DPP6: variants seen among roughly 807,000 people sequenced by gnomAD.
DPP6 encodes A-type potassium channel modulatory protein DPP6.
DPP6 carries 69 observed loss-of-function variants against 122.6 expected under a neutral mutation model. The observed-to-expected ratio is 0.56, with a 90% confidence interval of 0.46 to 0.69. The LOEUF (loss-of-function observed/expected upper bound fraction) is 0.69. Among genes scored for constraint, DPP6 ranks in the 30% least tolerant of loss-of-function variants. DPP6 has a pLI of 0.00. For synonymous variants in DPP6, 418 were observed against 433.1 expected, an observed-to-expected ratio of 0.97 and a Z score of 0.43; for missense variants, 928 against 1,116.9, an observed-to-expected ratio of 0.83 and a Z score of 2.41.
intron 1 of DPP6, among the ~76,000 whole-genome samples, chr7:154,234,551 G>C (rs769341300): frequency 6.6e-6 from 1 of 151,950 alleles, no homozygotes; most frequent in Admixed American, 6.6e-5. Context: ...GGACTTGAGG[G>C]GCTTAGATAT....
chr7:154,866,555 CT>C (rs1014390350), intron 17 of DPP6, among the ~76,000 whole-genome samples: 1 of 152,240 alleles, frequency 6.6e-6, no homozygotes, highest in African/African-American at 2.4e-5. Context: ...GACTTCACCA[CT>C]GCAGACACCC....
intron 5 of DPP6, among the ~76,000 whole-genome samples, chr7:154,586,226 G>T (rs1400731018): frequency 2.6e-5 from 4 of 152,092 alleles, no homozygotes; most frequent in Non-Finnish European, 4.4e-5. Flanking sequence ...AGTGATTCAT[G>T]CCCATAATCT....
At chr7:154,424,941 T>C (rs1817764433) in intron 1 of DPP6, among the ~76,000 whole-genome samples, 1 of 152,240 alleles carries the variant, frequency 6.6e-6, no homozygotes, top group Non-Finnish European at 1.5e-5. Flanking sequence ...GAAGTGTAAT[T>C]TGCTTTGCCG....
At chr7:153,839,947 T>G in the DPP6 span, among the ~76,000 whole-genome samples, 3 of 152,240 alleles carry the variant, frequency 2.0e-5, no homozygotes, top group Non-Finnish European at 4.4e-5. Flanking sequence ...AATTCTACAT[T>G]GACAAAGTGA....
intron 7 of DPP6, among the ~76,000 whole-genome samples, chr7:154,690,633 C>T (rs1238258834): frequency 1.3e-5 from 2 of 152,102 alleles, no homozygotes; most frequent in African/African-American, 2.4e-5. Flanking sequence ...CCCCCCACCC[C>T]GCATCATGAG....
the DPP6 span, among the ~76,000 whole-genome samples, chr7:153,849,942 A>T: frequency 6.6e-6 from 1 of 152,222 alleles, no homozygotes; most frequent in African/African-American, 2.4e-5. Flanking sequence ...TCTATTATTT[A>T]ATAGATAAAT....
chr7:154,776,409 T>C (rs1005628701), intron 10 of DPP6, among the ~76,000 whole-genome samples: 1 of 152,150 alleles, frequency 6.6e-6, no homozygotes, highest in Non-Finnish European at 1.5e-5. Flanking sequence ...AATATATGGT[T>C]CCCACAGTGA....
intron 1 of DPP6, among the ~76,000 whole-genome samples, chr7:153,987,520 A>G (rs894822119): frequency 2.6e-5 from 4 of 152,162 alleles, no homozygotes; most frequent in African/African-American, 9.7e-5. Context: ...TAATTCACAC[A>G]TATAATTTAC....
intron 5 of DPP6, among the ~76,000 whole-genome samples, chr7:154,607,619 A>T (rs1274788838): frequency 9.0e-6 from 1 of 111,594 alleles, no homozygotes; most frequent in Non-Finnish European, 2.0e-5. Flanking sequence ...CTTGATGGGT[A>T]CTATAGAGTG....
chr7:154,689,922 T>C (rs1839842648), intron 7 of DPP6, among the ~76,000 whole-genome samples: 2 of 152,204 alleles, frequency 1.3e-5, no homozygotes, highest in African/African-American at 4.8e-5. Flanking sequence ...ATTTGACCTA[T>C]AGAGAAACCT....
chr7:154,111,030 G>A (rs886078084), intron 1 of DPP6, among the ~76,000 whole-genome samples: 14 of 152,162 alleles, frequency 9.2e-5, no homozygotes, highest in African/African-American at 3.4e-4. Flanking sequence ...TGGGACATAG[G>A]GAGGTTCTGT....
chr7:154,454,484 A>G (rs1463925850), intron 2 of DPP6, among the ~76,000 whole-genome samples: 1 of 152,198 alleles, frequency 6.6e-6, no homozygotes, highest in Admixed American at 6.5e-5. Context: ...CTTCGTGGAG[A>G]ATGAGCAATT....
intron 4 of DPP6, among the ~76,000 whole-genome samples, chr7:154,560,882 TAA>T (rs199932364): frequency 0.13 from 16,683 of 127,610 alleles, 1,038 homozygotes; most frequent in Admixed American, 0.17. Flanking sequence ...GACTCCGTCT[TAA>T]AAAAAAAAAA....
chr7:154,320,041 A>G (rs1807802399), intron 1 of DPP6, among the ~76,000 whole-genome samples: 1 of 144,702 alleles, frequency 6.9e-6, no homozygotes, highest in South Asian at 2.1e-4. Context: ...TGCAACATGA[A>G]CTACTATGTA....
chr7:154,209,562 A>C (rs954019687), intron 1 of DPP6, among the ~76,000 whole-genome samples: 22 of 150,812 alleles, frequency 1.5e-4, no homozygotes, highest in Non-Finnish European at 3.0e-4. Flanking sequence ...AAAACAAAAA[A>C]CCTTTCTTCA....
At chr7:154,817,493 TTGA>T (rs1799492620) in intron 16 of DPP6, among the ~76,000 whole-genome samples, 3 of 151,988 alleles carry the variant, frequency 2.0e-5, no homozygotes, top group Admixed American at 2.0e-4. Flanking sequence ...TCAAGAGTAA[TTGA>T]TGAATGATGT....
chr7:154,591,149 C>G (rs187877144), intron 5 of DPP6, among the ~76,000 whole-genome samples: 4 of 152,352 alleles, frequency 2.6e-5, no homozygotes, highest in South Asian at 4.1e-4. Flanking sequence ...ACAAGGGCCA[C>G]TGGAGAAGAG....
chr7:154,106,741 G>A (rs1019393967), intron 1 of DPP6, among the ~76,000 whole-genome samples: 1 of 152,148 alleles, frequency 6.6e-6, no homozygotes, highest in Non-Finnish European at 1.5e-5. Context: ...GAGAGCAGGT[G>A]CACAGTCCCT....
At chr7:154,831,361 T>TCCA (rs1800615096) in intron 16 of DPP6, among the ~76,000 whole-genome samples, 1 of 152,182 alleles carries the variant, frequency 6.6e-6, no homozygotes, top group Non-Finnish European at 1.5e-5. Context: ...CAGGGGCCAC[T>TCCA]GATGTAGGGT....
Sources: allele counts gnomAD v4.1 joint callset (sites outside exome capture counted in the v4.1 genomes callset), GRCh38; gene constraint gnomAD v4.1.1; transcripts MANE v1.5; gene names NCBI Gene and HGNC (gene_info 2026-07-23, HGNC 2026-07-21).